The following PROKR2 variants were observed in gnomAD, a reference collection of about 807,000 sequenced individuals.
The protein encoded by PROKR2 is prokineticin receptor 2, also known as G protein-coupled receptor 73-like 1.
Under a neutral mutation model 23.4 loss-of-function variants are expected in PROKR2, and 26 were observed. The ratio of observed to expected loss-of-function variants is 1.11; its 90% CI spans 0.81 to 1.54. The LOEUF (loss-of-function observed/expected upper bound fraction) is 1.54. Among genes scored for constraint, PROKR2 ranks in the 40% most tolerant of loss-of-function variants. The probability of loss-of-function intolerance (pLI) is 0.00; values close to 1 mark genes in which losing one functional copy is unlikely to be tolerated. For missense variants in PROKR2, 453 were observed against 511.5 expected, an observed-to-expected ratio of 0.89 and a Z score of 1.10; for synonymous variants, 212 against 201.2, an observed-to-expected ratio of 1.05 and a Z score of -0.45.
At chr20:5,302,789 G>A in intron 2 of PROKR2, 53 bp from the exon 3 acceptor site, 1 of 1,376,094 alleles carries the variant, frequency 7.3e-7, no homozygotes, top group Non-Finnish European at 1.0e-6. Flanking sequence ...GGAAACGTTA[G>A]TTTGTAACTA....
Position 5,314,213 on chromosome 20 carries a change from T to C in PROKR2, c.157A>G (p.Lys53Glu), listed in dbSNP as rs1979565835. ...GCCAGTGCAATGCCAATGACGATCT[T>C]GGCTGCGAAGAAGGTCCGGGTCTTG... is the stretch of plus-strand genomic sequence containing the variant. The part of the protein sequence containing the change: ...MTKTRTFFAA[K>E]IVIGIALAGI... Residue 53 changes from lysine to glutamate, a missense_variant, in exon 2 of 3, where the codon AAG becomes GAG. Physicochemically the swap from Lys to Glu is moderately conservative, Grantham distance 56. Coordinates refer to ENST00000678254, the MANE Select transcript of PROKR2 (RefSeq NM_144773.4). The C allele has an allele frequency of 1.2e-6, 2 of 1,614,092 alleles. No homozygotes were observed. Among genetic ancestry groups the C allele is most frequent in the South Asian group, 2.2e-5 (2 of 91,088 alleles).
In PROKR2 at chr20:5,314,238, G is replaced by C. The variant is rs373511474; in HGVS notation, c.132C>G (p.Thr44=). The change falls in exon 2 of 3, where the codon ACC becomes ACG. Residue 44 remains threonine (T), a synonymous_variant. Coordinates refer to ENST00000678254, the MANE Select transcript of PROKR2 (RefSeq NM_144773.4). ...DLPMDEDEDM[T]KTRTFFAAKI... ...TGGCTGCGAAGAAGGTCCGGGTCTT[G>C]GTCATGTCCTCATCCTCATCCATAG... 1 of 1,614,064 alleles carries C rather than the reference G, an allele frequency of 6.2e-7. No individual in the cohort carries two copies. The highest frequency in any genetic ancestry group is 8.5e-7 in the Non-Finnish European group (1 of 1,180,044).
Position 5,301,079 on chromosome 20 carries a change from T to TA in PROKR2, c.*960dup. ...TCCTAGAGAATGCCCTGGGAGGCAGTAGGAGGTGGGTGGGAAAGTTCAGTA... is the reference window on the plus strand; with the variant it reads ...TCCTAGAGAATGCCCTGGGAGGCAGTAAGGAGGTGGGTGGGAAAGTTCAGTA... On this transcript the variant is annotated 3_prime_UTR_variant, in exon 3 of 3. Coordinates refer to ENST00000678254, the MANE Select transcript of PROKR2 (RefSeq NM_144773.4). Among the ~76,000 whole-genome samples the TA allele has an allele frequency of 1.3e-5, 2 of 152,308 alleles. No homozygotes were observed. Among genetic ancestry groups the TA allele is most frequent in the South Asian group, 4.1e-4 (2 of 4,830 alleles).
chr20:5,303,883 C>T lies in PROKR2; in HGVS notation c.459-1147G>A, dbSNP rs569742747. Among the ~76,000 whole-genome samples, 20 of 152,230 alleles carry T rather than the reference C, an allele frequency of 1.3e-4. No homozygotes were observed. In the South Asian group the frequency reaches 3.1e-3, roughly 24 times the overall value. On this transcript the variant is annotated intron_variant, in intron 2 of 2. Transcript: ENST00000678254. ...CCCCCAAAACCTGGCCATAAACTGG[C>T]GTCAGCGTAACAATGGGACAAGTGT...
intron 2 of PROKR2, among the ~76,000 whole-genome samples, chr20:5,307,383 C>G (rs1979258094): frequency 6.6e-6 from 1 of 152,016 alleles, no homozygotes; most frequent in Non-Finnish European, 1.5e-5. Flanking sequence ...GCAATAATGC[C>G]TGGATATAAT....
At position 5,302,508 on chromosome 20, in the gene PROKR2, A is replaced by C; in HGVS notation, c.687T>G (p.Gly229=). The C allele has an allele frequency of 6.2e-7, 1 of 1,614,228 alleles. No homozygotes were observed. The highest frequency in any genetic ancestry group is 8.5e-7 in the Non-Finnish European group (1 of 1,180,038). ...TGACCACAGGGCCCACGAACTCGAC[A>C]CCAAAGATGAAGAGGAAGTAGGACT... is the stretch of plus-strand genomic sequence containing the variant. ...YYKSYFLFIF[G]VEFVGPVVTM... is the part of the protein sequence containing the mutation. Residue 229 remains glycine, a synonymous_variant, in exon 3 of 3, where the codon GGT becomes GGG. Transcript: ENST00000678254.
At chr20:5,305,589 C>T (rs1477519022) in intron 2 of PROKR2, among the ~76,000 whole-genome samples, 1 of 152,002 alleles carries the variant, frequency 6.6e-6, no homozygotes, top group Non-Finnish European at 1.5e-5. Flanking sequence ...ATTAAATGAA[C>T]AGGAGGATTT....
chr20:5,302,337 C>T lies in PROKR2; in HGVS notation c.858G>A (p.Leu286=), dbSNP rs375874356. The T allele has an allele frequency of 6.2e-7, 1 of 1,614,250 alleles. No individual in the cohort carries two copies. Among genetic ancestry groups the T allele is most frequent in the Admixed American group, 1.7e-5 (1 of 60,030 alleles). ...VLMCILTAYV[L]CWAPFYGFTI... The stretch of plus-strand genomic sequence containing the variant: ...TGAAACCGTAGAAGGGTGCCCAGCA[C>T]AGCACATAGGCCGTGAGAATGCACA... The change falls in exon 3 of 3, where the codon CTG becomes CTA. Residue 286 remains leucine, a synonymous_variant. Transcript: ENST00000678254.
chr20:5,301,228 GT>G lies in PROKR2; in HGVS notation c.*811del, dbSNP rs1217095208. 8.2e-5 allele frequency among the ~76,000 whole-genome samples: 12 copies of G among 146,528 alleles called. No homozygotes were observed. Among genetic ancestry groups the G allele is most frequent in the African/African-American group, 3.0e-4 (12 of 39,850 alleles). ...TGGTTGTTGTTGTTGTTGTTTTGTTGTTTGTTTGTTTGTTTTTTTCCTGAGA... is the reference window on the plus strand; with the variant it reads ...TGGTTGTTGTTGTTGTTGTTTTGTTGTTGTTTGTTTGTTTTTTTCCTGAGA... On this transcript the variant is annotated 3_prime_UTR_variant, in exon 3 of 3. Coordinates refer to ENST00000678254, the MANE Select transcript of PROKR2 (RefSeq NM_144773.4).
rs548595273 is a variant in PROKR2, at chr20:5,314,230, C to T, written c.140G>A (p.Arg47Gln). The T allele has an allele frequency of 3.2e-5, 52 of 1,614,020 alleles. No homozygotes were observed. The highest frequency in any genetic ancestry group is 2.9e-4 in the South Asian group (26 of 91,090). ...MDEDEDMTKT[R>Q]TFFAAKIVIG... is the part of the protein sequence containing the mutation. ...GACGATCTTGGCTGCGAAGAAGGTC[C>T]GGGTCTTGGTCATGTCCTCATCCTC... The change falls in exon 2 of 3, where the codon CGG becomes CAG. Residue 47 changes from arginine (R) to glutamine (Q), a missense_variant. Coordinates refer to ENST00000678254, the MANE Select transcript of PROKR2 (RefSeq NM_144773.4).
At chr20:5,315,440 C>T (rs1170549781) in intron 1 of PROKR2, among the ~76,000 whole-genome samples, 1 of 152,094 alleles carries the variant, frequency 6.6e-6, no homozygotes, top group Non-Finnish European at 1.5e-5. Flanking sequence ...AAGGCTTCAC[C>T]GAGGGGCTGG....
intron 2 of PROKR2, among the ~76,000 whole-genome samples, chr20:5,308,449 C>T (rs1038620464): frequency 6.7e-6 from 1 of 148,866 alleles, no homozygotes; most frequent in Non-Finnish European, 1.5e-5. Flanking sequence ...CCCAACCCAT[C>T]CCTTTATTTC....
In PROKR2 at chr20:5,301,180, TAA is replaced by T. The variant is rs372698153; in HGVS notation, c.*858_*859del. ...CTTATCGTTACATTTCCATTGTGTC[TAA>T]GAGTCTTCTTCTATAGCCGTTGGTT... On this transcript the variant is annotated 3_prime_UTR_variant, in exon 3 of 3. Transcript: ENST00000678254. Among the ~76,000 whole-genome samples the T allele has an allele frequency of 6.4e-3, 967 of 152,084 alleles. 10 individuals are homozygous for T. The highest frequency in any genetic ancestry group is 0.022 in the African/African-American group (913 of 41,470).
chr20:5,316,005 T>G lies in PROKR2; in HGVS notation c.-9+489A>C, dbSNP rs910973. The G allele has an allele frequency of 0.24, 111,576 of 456,066 alleles. 14,115 individuals are homozygous for G. The highest frequency in any genetic ancestry group is 0.29 in the Middle Eastern group (903 of 3,076). 28.3% of individuals were successfully genotyped at this position (456,066 alleles called of 1,614,324 possible). On this transcript the variant is annotated intron_variant, in intron 1 of 2. Coordinates refer to ENST00000678254, the MANE Select transcript of PROKR2 (RefSeq NM_144773.4). The surrounding 1 kb of genome is among the most constrained non-coding windows in gnomAD (Gnocchi z 5.0). ...TCCCGCCCCATCAACGCGGCCGCAC[T>G]GTCGGCGTCTAGAGGCGACATCCTG... is the stretch of plus-strand genomic sequence containing the variant.
chr20:5,311,310 T>C (rs1462931261), intron 2 of PROKR2, among the ~76,000 whole-genome samples: 1 of 152,028 alleles, frequency 6.6e-6, no homozygotes, highest in Non-Finnish European at 1.5e-5. Context: ...GTAAGGATGA[T>C]GGTAACTTTT....
intron 1 of PROKR2, among the ~76,000 whole-genome samples, chr20:5,315,454 AAG>A (rs1979628739): frequency 6.6e-6 from 1 of 152,152 alleles, no homozygotes; most frequent in African/African-American, 2.4e-5. Flanking sequence ...GGGCTGGAAA[AAG>A]AGCCCAGATC....
In PROKR2 at chr20:5,316,654, C is replaced by A. The variant is rs1022242443; in HGVS notation, c.-169G>T. On this transcript the variant is annotated 5_prime_UTR_variant, in exon 1 of 3. Coordinates refer to ENST00000678254, the MANE Select transcript of PROKR2 (RefSeq NM_144773.4). This position sits in a 1 kb window ranked among gnomAD's most constrained non-coding sequence, Gnocchi z 5.0. ...GGGGATGTCCCTCTTTTTTCCTCGC[C>A]CCGGCGGGCTCCTCCGGCGTGTCAG... Among the ~76,000 whole-genome samples, 23 of 152,236 alleles carry A rather than the reference C, an allele frequency of 1.5e-4. No homozygotes were observed. Among genetic ancestry groups the A allele is most frequent in the African/African-American group, 5.1e-4 (21 of 41,472 alleles).
intron 2 of PROKR2, among the ~76,000 whole-genome samples, chr20:5,310,654 C>CTTATGGGGAGCTGGGGTATA (rs1979405118): frequency 1.3e-5 from 2 of 150,860 alleles, no homozygotes; most frequent in African/African-American, 4.9e-5. Context: ...CAGCCCTCAT[C>CTTATGGGGAGCTGGGGTATA]AATGACCTCC....
chr20:5,309,664 G>C lies in PROKR2; in HGVS notation c.458+4248C>G, dbSNP rs78277682. ...TAATGTAATGTGTTTATAGATCCTG[G>C]GGATTAGGATGTGGTTATCCTTGGG... On this transcript the variant is annotated intron_variant, in intron 2 of 2. Transcript: ENST00000678254. Among the ~76,000 whole-genome samples, 125 of 152,302 alleles carry C rather than the reference G, an allele frequency of 8.2e-4. 3 individuals are homozygous for C. The East Asian group carries it at 0.022, about 27-fold the overall frequency.
Sources: allele counts gnomAD v4.1 joint callset (sites outside exome capture counted in the v4.1 genomes callset), GRCh38; gene constraint gnomAD v4.1.1; non-coding constraint Gnocchi (gnomAD v3.1); transcripts MANE v1.5; gene names NCBI Gene and HGNC (gene_info 2026-07-23, HGNC 2026-07-21).